DMGDH: variants seen among roughly 807,000 people sequenced by gnomAD.
The protein encoded by DMGDH is dimethylglycine dehydrogenase, also known as dimethylglycine dehydrogenase, mitochondrial.
In DMGDH, 76 loss-of-function variants were observed where a neutral mutation model predicts 95.2. The observed-to-expected ratio is 0.80, with a 90% confidence interval of 0.66 to 0.97. The LOEUF (loss-of-function observed/expected upper bound fraction) is 0.97, where lower values mean the gene tolerates loss of function less well. Among genes scored for constraint, DMGDH ranks in the 50% least tolerant of loss-of-function variants. The pLI, the probability that DMGDH is intolerant of heterozygous loss-of-function variation, is 0.00. For synonymous variants in DMGDH, 345 were observed against 377.6 expected (o/e 0.91, Z 1.00); for missense variants, 987 against 1,055.0 (o/e 0.94, Z 0.89).
intron 6 of DMGDH, 64 bp downstream of exon 6, chr5:79,044,240 C>G: frequency 1.2e-6 from 2 of 1,610,278 alleles, no homozygotes; most frequent in Non-Finnish European, 1.7e-6. Flanking sequence ...CAGCCATCCT[C>G]CAGCCATGGA....
chr5:79,018,278 A>G (rs1464980531), intron 14 of DMGDH, among the ~76,000 whole-genome samples: 9 of 151,466 alleles, frequency 5.9e-5, no homozygotes, highest in Non-Finnish European at 1.2e-4. Context: ...GGTTGAGGCA[A>G]CCCTTCCACC....
At chr5:79,055,737 C>A in intron 3 of DMGDH, 73 bp downstream of exon 3, 1 of 1,030,072 alleles carries the variant, frequency 9.7e-7, no homozygotes, top group South Asian at 1.3e-5. Context: ...AATGATGCAT[C>A]AAAATCCTTC....
At chr5:79,035,056 C>CAAAAAAAA (rs10586049) in intron 7 of DMGDH, among the ~76,000 whole-genome samples, 1 of 78,340 alleles carries the variant, frequency 1.3e-5, no homozygotes, top group African/African-American at 4.9e-5. Context: ...GACTCCATCT[C>CAAAAAAAA]AAAAAAAAAA....
At chr5:79,007,871 A>T (rs1753578306) in intron 14 of DMGDH, among the ~76,000 whole-genome samples, 1 of 152,230 alleles carries the variant, frequency 6.6e-6, no homozygotes. Context: ...GGCAGCGGGT[A>T]TTCAGAGCTT....
At chr5:78,999,098 G>A (rs564624850) in intron 15 of DMGDH, among the ~76,000 whole-genome samples, 26 of 152,290 alleles carry the variant, frequency 1.7e-4, no homozygotes, top group African/African-American at 5.8e-4. Flanking sequence ...CTGGCACAGT[G>A]GACTGCTTAC....
chr5:79,007,732 T>C (rs1049012004), intron 14 of DMGDH, among the ~76,000 whole-genome samples: 4 of 152,212 alleles, frequency 2.6e-5, no homozygotes, highest in African/African-American at 4.8e-5. Flanking sequence ...GGAATCTGAA[T>C]CTTTACCATT....
intron 1 of DMGDH, 88 bp downstream of exon 1, chr5:79,069,432 C>A: frequency 1.5e-6 from 1 of 666,638 alleles, no homozygotes; most frequent in South Asian, 7.7e-5. Context: ...GAGGCCAGAG[C>A]GCTCCTAACC....
rs58120939 is a variant in DMGDH, at chr5:79,057,519, AT to A, written c.277-1612del. 1.5e-3 allele frequency among the ~76,000 whole-genome samples: 215 copies of A among 146,016 alleles called. 1 individual carries two copies. The highest frequency in any genetic ancestry group is 1.8e-3 in the Admixed American group (26 of 14,558). The stretch of plus-strand genomic sequence containing the variant: ...AAACATCTGGACATATCCATGGCTG[AT>A]TTTTTTTTTTTTAAGAAAAATCCTG... On this transcript the variant is annotated intron_variant, in intron 2 of 15. Coordinates refer to ENST00000255189, the MANE Select transcript of DMGDH (RefSeq NM_013391.3).
At chr5:79,063,936 A>G (rs1342868582) in intron 1 of DMGDH, 149 bp from the exon 2 acceptor site, 1 of 927,948 alleles carries the variant, frequency 1.1e-6, no homozygotes, top group Non-Finnish European at 1.7e-6. Context: ...TGGAGCATCT[A>G]AACTGTGATT....
At chr5:79,019,421 A>G (rs991525690) in intron 14 of DMGDH, among the ~76,000 whole-genome samples, 1 of 152,028 alleles carries the variant, frequency 6.6e-6, no homozygotes, top group African/African-American at 2.4e-5. Flanking sequence ...GTATGAAGTT[A>G]TAAGAACTAA....
chr5:79,024,399 T>C (rs997426096), intron 13 of DMGDH, 69 bp from the exon 14 acceptor site: 7 of 1,408,674 alleles, frequency 5.0e-6, no homozygotes, highest in Middle Eastern at 1.8e-4. Flanking sequence ...ACTTTCATAT[T>C]TGTTTTTAGG....
intron 2 of DMGDH, among the ~76,000 whole-genome samples, chr5:79,062,834 C>T (rs572321398): frequency 1.3e-5 from 2 of 152,324 alleles, no homozygotes; most frequent in East Asian, 1.9e-4. Flanking sequence ...TGGTTCACTC[C>T]TGTAATCTCA....
chr5:79,034,612 A>G (rs1221594878), intron 7 of DMGDH, among the ~76,000 whole-genome samples: 2 of 152,188 alleles, frequency 1.3e-5, no homozygotes, highest in East Asian at 3.8e-4. Flanking sequence ...AGACACAGAA[A>G]TGCTAGTATC....
At chr5:79,010,551 T>C (rs1375128732) in intron 14 of DMGDH, among the ~76,000 whole-genome samples, 1 of 152,212 alleles carries the variant, frequency 6.6e-6, no homozygotes, top group African/African-American at 2.4e-5. Flanking sequence ...TTGGTGATGA[T>C]GGAATGCTGT....
chr5:79,057,545 G>A (rs1297444885), intron 2 of DMGDH, among the ~76,000 whole-genome samples: 1 of 151,258 alleles, frequency 6.6e-6, no homozygotes. Flanking sequence ...GAAAAATCCT[G>A]GCCCAGCTTA....
At chr5:79,038,447 C>A (rs917392278) in intron 7 of DMGDH, among the ~76,000 whole-genome samples, 18 of 151,984 alleles carry the variant, frequency 1.2e-4, no homozygotes, top group African/African-American at 4.4e-4. Flanking sequence ...TCGTGCCATT[C>A]CCTGGGCAGC....
chr5:79,000,548 C>G lies in DMGDH; in HGVS notation c.2386-2251G>C, dbSNP rs113105281. 123 of 588,342 alleles carry G rather than the reference C, an allele frequency of 2.1e-4. 1 individual carries two copies. Among genetic ancestry groups the G allele is most frequent in the African/African-American group, 2.0e-3 (109 of 53,468 alleles). The allele number at this position is 588,342 out of a possible 1,614,324, so 36.4% of individuals were successfully genotyped here. A position where few individuals can be genotyped will look rare whatever the true frequency, so the allele number is the denominator to read the frequency against. ...GATAATTCTATTTCTCTTTGATTTTCACTGATATCAAAATCCAGTGCTGTC... is the reference window on the plus strand; with the variant it reads ...GATAATTCTATTTCTCTTTGATTTTGACTGATATCAAAATCCAGTGCTGTC... On this transcript the variant is annotated intron_variant, in intron 15 of 15. Coordinates refer to ENST00000255189, the MANE Select transcript of DMGDH (RefSeq NM_013391.3).
chr5:79,031,040 T>C (rs753187601), intron 9 of DMGDH, 42 bp from the exon 10 acceptor site: 4 of 1,610,812 alleles, frequency 2.5e-6, no homozygotes, highest in Non-Finnish European at 2.5e-6. Flanking sequence ...CTCCCGTTCA[T>C]TTTTCAAAAA....
At chr5:79,026,915 C>T (rs1232598277) in intron 12 of DMGDH, among the ~76,000 whole-genome samples, 1 of 152,142 alleles carries the variant, frequency 6.6e-6, no homozygotes, top group African/African-American at 2.4e-5. Flanking sequence ...GGGACAATGA[C>T]GTTAGGTGAA....
Sources: gnomAD v4.1 joint callset for allele counts (sites outside exome capture counted in the v4.1 genomes callset) on GRCh38, gnomAD v4.1.1 for gene constraint, MANE v1.5 for transcripts, NCBI Gene and HGNC (gene_info 2026-07-23, HGNC 2026-07-21) for gene names.